The following UBR3 variants were observed in gnomAD, a reference collection of about 807,000 sequenced individuals.
UBR3 encodes E3 ubiquitin-protein ligase UBR3.
Under a neutral mutation model 243.2 loss-of-function variants are expected in UBR3, and 85 were observed. The ratio of observed to expected loss-of-function variants is 0.35; its 90% CI spans 0.29 to 0.42. The LOEUF (loss-of-function observed/expected upper bound fraction) is 0.42, where lower values mean the gene tolerates loss of function less well. UBR3 is among the 10% of genes least tolerant of loss of function. The probability of loss-of-function intolerance (pLI) is 1.00; values close to 1 mark genes in which losing one functional copy is unlikely to be tolerated. For synonymous variants in UBR3, 748 were observed against 799.8 expected (o/e 0.94, Z 1.09); for missense variants, 1,686 against 2,300.8 (o/e 0.73, Z 5.47).
intron 11 of UBR3, among the ~76,000 whole-genome samples, chr2:169,916,500 C>T (rs1157309704): frequency 3.3e-5 from 5 of 151,972 alleles, no homozygotes; most frequent in South Asian, 2.1e-4. Flanking sequence ...CTCTGACCCC[C>T]ACTTTGGACT....
At chr2:169,934,309 G>C (rs948147173) in intron 19 of UBR3, among the ~76,000 whole-genome samples, 54 of 152,114 alleles carry the variant, frequency 3.5e-4, no homozygotes, top group African/African-American at 1.3e-3. Context: ...ATGATGGTTA[G>C]TTGTTTTGAA....
At chr2:170,055,810 G>A (rs1474268728) in intron 33 of UBR3, among the ~76,000 whole-genome samples, 2 of 151,970 alleles carry the variant, frequency 1.3e-5, no homozygotes, top group Non-Finnish European at 2.9e-5. Flanking sequence ...GAGCAGTTTT[G>A]TTTTGCTTTT....
chr2:169,908,690 G>A (rs1463439471), intron 10 of UBR3, among the ~76,000 whole-genome samples: 2 of 152,146 alleles, frequency 1.3e-5, no homozygotes, highest in Non-Finnish European at 2.9e-5. Context: ...CTGAAGATTT[G>A]AGTATCAGAG....
chr2:169,850,184 T>C (rs1006537576), intron 1 of UBR3, among the ~76,000 whole-genome samples: 4 of 145,038 alleles, frequency 2.8e-5, no homozygotes, highest in African/African-American at 1.0e-4. Flanking sequence ...TTTTTTTTTT[T>C]TTTTTTTTTT....
chr2:169,989,363 C>T (rs1478112317), intron 25 of UBR3, among the ~76,000 whole-genome samples: 1 of 152,102 alleles, frequency 6.6e-6, no homozygotes, highest in Non-Finnish European at 1.5e-5. Flanking sequence ...GATCCACTCT[C>T]CCTCTATCTT....
intron 1 of UBR3, among the ~76,000 whole-genome samples, chr2:169,867,628 T>C (rs1458819933): frequency 6.6e-6 from 1 of 152,224 alleles, no homozygotes; most frequent in Admixed American, 6.5e-5. Flanking sequence ...TACACTTCCA[T>C]GTATACAACA....
intron 1 of UBR3, among the ~76,000 whole-genome samples, chr2:169,855,970 CG>C (rs1050437372): frequency 6.7e-6 from 1 of 148,948 alleles, no homozygotes; most frequent in African/African-American, 2.5e-5. Context: ...GCTGGCCGGG[CG>C]GGGGCTGCCC....
intron 24 of UBR3, among the ~76,000 whole-genome samples, chr2:169,980,184 G>A (rs1006222067): frequency 6.6e-6 from 1 of 152,212 alleles, no homozygotes; most frequent in South Asian, 2.1e-4. Flanking sequence ...AATGGCAGAT[G>A]ATGAGAGCTG....
At chr2:170,024,353 C>CAAAAAAAAAAAAA (rs10606818) in intron 30 of UBR3, among the ~76,000 whole-genome samples, 1 of 101,954 alleles carries the variant, frequency 9.8e-6, no homozygotes. Flanking sequence ...GACTCCATCT[C>CAAAAAAAAAAAAA]AAAAAAAAAA....
chr2:169,876,521 C>T (rs1383555544), intron 3 of UBR3, among the ~76,000 whole-genome samples: 1 of 106,876 alleles, frequency 9.4e-6, no homozygotes, highest in East Asian at 2.1e-4. Flanking sequence ...TAATTATGCT[C>T]TGCCTCTCTT....
chr2:169,897,900 T>A (rs996586666), intron 8 of UBR3, among the ~76,000 whole-genome samples: 5 of 152,186 alleles, frequency 3.3e-5, no homozygotes, highest in African/African-American at 1.2e-4. Flanking sequence ...TCTCTGAGAT[T>A]GGCATTATTA....
chr2:169,950,150 C>T (rs992589238), intron 23 of UBR3, 85 bp downstream of exon 23: 2 of 1,270,222 alleles, frequency 1.6e-6, no homozygotes, highest in East Asian at 2.4e-5. Context: ...GGATAATCAC[C>T]TGGATGTTTA....
chr2:170,024,748 T>C (rs1296651361), intron 30 of UBR3, among the ~76,000 whole-genome samples: 1 of 152,198 alleles, frequency 6.6e-6, no homozygotes, highest in African/African-American at 2.4e-5. Flanking sequence ...AAACTGGTCT[T>C]TCAGTGTTGT....
chr2:170,079,106 CT>C (rs1251381913), intron 36 of UBR3, among the ~76,000 whole-genome samples: 13 of 152,196 alleles, frequency 8.5e-5, no homozygotes, highest in Non-Finnish European at 2.9e-5. Context: ...TACATTTTAT[CT>C]TTTTTAAGTG....
At chr2:169,836,041 CTCTATATA>C (rs1176557930) in intron 1 of UBR3, among the ~76,000 whole-genome samples, 3 of 8,422 alleles carry the variant, frequency 3.6e-4, no homozygotes, top group East Asian at 9.8e-3. Context: ...CTCTCTCTCT[CTCTATATA>C]TATATATATA....
intron 4 of UBR3, among the ~76,000 whole-genome samples, 152 bp from the exon 5 acceptor site, chr2:169,878,373 A>T (rs2083695945): frequency 6.6e-6 from 1 of 151,628 alleles, no homozygotes; most frequent in Non-Finnish European, 1.5e-5. Context: ...AAAAAAAAAA[A>T]AAAAGTTGGA....
chr2:169,829,118 T>A (rs1386674140), intron 1 of UBR3, among the ~76,000 whole-genome samples: 1 of 152,164 alleles, frequency 6.6e-6, no homozygotes, highest in Non-Finnish European at 1.5e-5. Context: ...AATGACAGAG[T>A]ACAATCTTTT....
intron 19 of UBR3, among the ~76,000 whole-genome samples, chr2:169,939,143 T>G (rs1412798010): frequency 6.6e-6 from 1 of 152,136 alleles, no homozygotes; most frequent in Non-Finnish European, 1.5e-5. Flanking sequence ...GAATTAGGTG[T>G]CATATGAGAT....
intron 5 of UBR3, among the ~76,000 whole-genome samples, chr2:169,881,097 T>C (rs2105316282): frequency 6.6e-6 from 1 of 152,326 alleles, no homozygotes; most frequent in South Asian, 2.1e-4. Context: ...ATTGTTTTTG[T>C]TATAGCTGAG....
Sources: allele counts gnomAD v4.1 joint callset (sites outside exome capture counted in the v4.1 genomes callset), GRCh38; gene constraint gnomAD v4.1.1; transcripts MANE v1.5; gene names NCBI Gene and HGNC (gene_info 2026-07-23, HGNC 2026-07-21).